RGS17: variants seen among roughly 807,000 people sequenced by gnomAD.
RGS17 encodes the protein regulator of G protein signaling 17, also known as regulator of G-protein signaling 17.
In RGS17, 12 loss-of-function variants were observed where a neutral mutation model predicts 25.5. That is an observed-to-expected ratio of 0.47 (90% CI 0.30 to 0.76). RGS17 has a LOEUF of 0.76. Among genes scored for constraint, RGS17 ranks in the 30% least tolerant of loss-of-function variants. The pLI is 0.07. For synonymous variants in RGS17, 71 were observed against 76.9 expected (o/e 0.92, Z 0.40); for missense variants, 196 against 242.2 (o/e 0.81, Z 1.27).
chr6:153,076,246 C>G (rs1489101626), intron 1 of RGS17, among the ~76,000 whole-genome samples: 1 of 151,614 alleles, frequency 6.6e-6, no homozygotes, highest in Non-Finnish European at 1.5e-5. Flanking sequence ...CTGTTATTGT[C>G]ATTATGAAAC....
At chr6:153,080,435 C>A (rs757918631) in intron 1 of RGS17, among the ~76,000 whole-genome samples, 4 of 151,840 alleles carry the variant, frequency 2.6e-5, no homozygotes, top group Non-Finnish European at 5.9e-5. Context: ...AATTTCTGTT[C>A]CCTCCCCTTC....
At chr6:153,059,821 T>C (rs562198388) in intron 1 of RGS17, among the ~76,000 whole-genome samples, 21 of 152,306 alleles carry the variant, frequency 1.4e-4, no homozygotes, top group African/African-American at 3.8e-4. Flanking sequence ...GCAAGGGTGA[T>C]AGATGTATTT....
chr6:153,081,227 T>C (rs1776975131), intron 1 of RGS17, among the ~76,000 whole-genome samples: 1 of 152,172 alleles, frequency 6.6e-6, no homozygotes. Context: ...TCAATTTTTC[T>C]GTTTCTCCTG....
chr6:153,037,707 A>C (rs2129109198), intron 2 of RGS17, among the ~76,000 whole-genome samples: 1 of 151,914 alleles, frequency 6.6e-6, no homozygotes, highest in African/African-American at 2.4e-5. Context: ...TACAGGCATA[A>C]GCCACCACAC....
chr6:153,089,232 T>C (rs908550841), intron 1 of RGS17, among the ~76,000 whole-genome samples: 1 of 140,038 alleles, frequency 7.1e-6, no homozygotes, highest in East Asian at 3.2e-4. Context: ...TATGTATATA[T>C]GTATATATGT....
At chr6:153,063,984 T>C (rs557776013) in intron 1 of RGS17, among the ~76,000 whole-genome samples, 2 of 151,612 alleles carry the variant, frequency 1.3e-5, no homozygotes, top group Non-Finnish European at 2.9e-5. Context: ...CCTAGAATAA[T>C]AAATATGACA....
At chr6:153,067,300 A>C (rs2129116308) in intron 1 of RGS17, among the ~76,000 whole-genome samples, 1 of 152,328 alleles carries the variant, frequency 6.6e-6, no homozygotes, top group Admixed American at 6.5e-5. Flanking sequence ...TAGTACTGGA[A>C]GTCCTGAGTA....
chr6:153,087,554 A>C (rs1302729207), intron 1 of RGS17, among the ~76,000 whole-genome samples: 1 of 152,204 alleles, frequency 6.6e-6, no homozygotes, highest in Non-Finnish European at 1.5e-5. Context: ...TTTGCAATCT[A>C]ATGAAGAACT....
chr6:153,051,063 A>G (rs1341312002), intron 1 of RGS17, among the ~76,000 whole-genome samples: 6 of 152,210 alleles, frequency 3.9e-5, no homozygotes, highest in Non-Finnish European at 7.4e-5. Context: ...CAGACACCAA[A>G]TAGGCAATCA....
rs1779227259 is a variant in RGS17 at position 153,020,111 on chromosome 6, AATATAT to A, written c.444+4145_444+4150del. Among the ~76,000 whole-genome samples the A allele has an allele frequency of 9.1e-3, 534 of 58,408 alleles. 3 individuals carry two copies. The highest frequency in any genetic ancestry group is 0.012 in the Non-Finnish European group (393 of 33,282). The allele number at this position is 58,408 out of a possible 152,430, so 38.3% of individuals were successfully genotyped here. A position where few individuals can be genotyped will look rare whatever the true frequency, so the allele number is the denominator to read the frequency against. ...AATTGCAAATATCTTAAAAAAAAAA[AATATAT>A]ATATATATATATATATATATATTTT... is the stretch of plus-strand genomic sequence containing the variant. On this transcript the variant is annotated intron_variant, in intron 4 of 4. Coordinates refer to ENST00000206262, the MANE Select transcript of RGS17 (RefSeq NM_012419.5).
intron 2 of RGS17, among the ~76,000 whole-genome samples, chr6:153,032,973 T>C (rs1416346167): frequency 6.6e-6 from 1 of 152,232 alleles, no homozygotes; most frequent in East Asian, 1.9e-4. Context: ...GTAGGAAATA[T>C]TTTTAATTTA....
intron 4 of RGS17, among the ~76,000 whole-genome samples, chr6:153,020,166 T>G (rs1313575051): frequency 1.5e-5 from 1 of 66,416 alleles, no homozygotes; most frequent in Non-Finnish European, 2.8e-5. Flanking sequence ...TTTTTTTTTT[T>G]TTTTTGAGAC....
At chr6:153,101,579 TG>T (rs1463534920) in intron 1 of RGS17, among the ~76,000 whole-genome samples, 1 of 152,194 alleles carries the variant, frequency 6.6e-6, no homozygotes, top group Non-Finnish European at 1.5e-5. Context: ...TATATGCTAC[TG>T]TTGGTGACTA....
chr6:153,025,953 C>T (rs1465757803), intron 3 of RGS17, among the ~76,000 whole-genome samples: 1 of 151,598 alleles, frequency 6.6e-6, no homozygotes, highest in African/African-American at 2.4e-5. Flanking sequence ...AAAGCACTTA[C>T]AATTATATGA....
chr6:153,034,584 G>A (rs1000472579), intron 2 of RGS17, among the ~76,000 whole-genome samples: 2 of 152,130 alleles, frequency 1.3e-5, no homozygotes, highest in African/African-American at 2.4e-5. Flanking sequence ...GGAAGAAACC[G>A]AGGCTCAGAG....
intron 1 of RGS17, among the ~76,000 whole-genome samples, chr6:153,108,352 T>C (rs927578288): frequency 4.6e-5 from 7 of 152,228 alleles, no homozygotes; most frequent in African/African-American, 1.7e-4. Context: ...CAGTTAATTA[T>C]GCTCTAAATT....
At position 153,010,924 on chromosome 6, in the gene RGS17, T is replaced by A. The variant is rs1310525317; in HGVS notation, c.*650A>T. The A allele has an allele frequency of 2.0e-5, 3 of 149,924 alleles. No individual in the cohort carries two copies. Among genetic ancestry groups the A allele is most frequent in the African/African-American group, 7.4e-5 (3 of 40,620 alleles). The allele number at this position is 149,924 out of a possible 1,614,324, so 9.3% of individuals were successfully genotyped here. A position where few individuals can be genotyped will look rare whatever the true frequency, so the allele number is the denominator to read the frequency against. On this transcript the variant is annotated 3_prime_UTR_variant, in exon 5 of 5. Transcript: ENST00000206262. ...GTTTTTTGCTTTTAGCATAGTAAAC[T>A]CTCCTGTAATGAAAATGCCACAGTT...
chr6:153,080,796 T>C (rs536180447), intron 1 of RGS17, among the ~76,000 whole-genome samples: 99 of 152,140 alleles, frequency 6.5e-4, no homozygotes, highest in African/African-American at 2.2e-3. Flanking sequence ...ATTATAAAAA[T>C]TGTTATTTTC....
chr6:153,039,567 G>T (rs1013982641), intron 2 of RGS17, among the ~76,000 whole-genome samples: 2 of 152,112 alleles, frequency 1.3e-5, no homozygotes, highest in African/African-American at 4.8e-5. Context: ...TTGCTTGATG[G>T]GACACCCACA....
Sources: gnomAD v4.1 joint callset for allele counts (sites outside exome capture counted in the v4.1 genomes callset) on GRCh38, gnomAD v4.1.1 for gene constraint, MANE v1.5 for transcripts, NCBI Gene and HGNC (gene_info 2026-07-23, HGNC 2026-07-21) for gene names.